Variants in SLC13A1 observed in about 807,000 individuals in gnomAD.
SLC13A1 encodes the protein solute carrier family 13 member 1.
In SLC13A1, 65 loss-of-function variants were observed where a neutral mutation model predicts 70.0. That is an observed-to-expected ratio of 0.93 (90% CI 0.76 to 1.14). The LOEUF is 1.14. Among genes scored for constraint, SLC13A1 ranks in the 50% most tolerant of loss-of-function variants. The probability of loss-of-function intolerance (pLI) is 0.00; values close to 1 mark genes in which losing one functional copy is unlikely to be tolerated. For synonymous variants in SLC13A1, 275 were observed against 250.5 expected (o/e 1.10, Z -0.92); for missense variants, 726 against 717.8 (o/e 1.01, Z -0.13).
chr7:123,114,030 G>A lies in SLC13A1; in HGVS notation c.*1488C>T, dbSNP rs1431494074. Reference sequence around the variant, plus strand: ...ACCTGGGAGGCGGAGCTTGCAGTGAGCCGAGATCCCGCCACTGCACTCCAG... The same window carrying A: ...ACCTGGGAGGCGGAGCTTGCAGTGAACCGAGATCCCGCCACTGCACTCCAG... On this transcript the variant is annotated 3_prime_UTR_variant, in exon 15 of 15. Transcript: ENST00000194130. 6 of 134,036 alleles carry A rather than the reference G, an allele frequency of 4.5e-5. No homozygotes were observed. The Admixed American group carries it at 5.1e-4, about 11-fold the overall frequency. The allele number at this position is 134,036 out of a possible 1,614,324, so 8.3% of individuals were successfully genotyped here. A position where few individuals can be genotyped will look rare whatever the true frequency, so the allele number is the denominator to read the frequency against.
In SLC13A1 at chr7:123,115,325, C is replaced by T. The variant is rs1253762949; in HGVS notation, c.*193G>A. 4.5e-6 allele frequency: 2 copies of T among 446,224 alleles called. No homozygotes were observed. Among genetic ancestry groups the T allele is most frequent in the Non-Finnish European group, 7.9e-6 (2 of 254,392 alleles). 27.6% of individuals were successfully genotyped at this position (446,224 alleles called of 1,614,324 possible). The stretch of plus-strand genomic sequence containing the variant: ...GCTTCTTGATGAAGGCACATAGATG[C>T]TCTTTAGTTGCACTGCAATAACAAA... On this transcript the variant is annotated 3_prime_UTR_variant, in exon 15 of 15. Transcript: ENST00000194130.
At position 123,149,584 on chromosome 7, in the gene SLC13A1, G is replaced by T. The variant is rs968616842; in HGVS notation, c.661-2274C>A. ...CTCATTTTAAACACTAAGTTTAAGAGTCTAAAGCTGTTTTTTGGTCACCTC... is the reference window on the plus strand; with the variant it reads ...CTCATTTTAAACACTAAGTTTAAGATTCTAAAGCTGTTTTTTGGTCACCTC... On this transcript the variant is annotated intron_variant, in intron 6 of 14. Transcript: ENST00000194130. 2.2e-5 allele frequency: 10 copies of T among 456,420 alleles called. No homozygotes were observed. The East Asian group carries it at 7.0e-4, about 32-fold the overall frequency. The allele number at this position is 456,420 out of a possible 1,614,324, so 28.3% of individuals were successfully genotyped here.
At chr7:123,129,046 A>G in intron 9 of SLC13A1, 100 bp from the exon 10 acceptor site, 3 of 800,146 alleles carry the variant, frequency 3.7e-6, no homozygotes, top group South Asian at 1.5e-5. Flanking sequence ...GTAGAACACT[A>G]AACACTGTAA....
At chr7:123,173,913 T>C (rs1795356664) in intron 2 of SLC13A1, among the ~76,000 whole-genome samples, 1 of 151,786 alleles carries the variant, frequency 6.6e-6, no homozygotes, top group Admixed American at 6.6e-5. Context: ...CAACTCTTAC[T>C]CTAGGTATAA....
intron 7 of SLC13A1, among the ~76,000 whole-genome samples, chr7:123,138,700 T>C (rs1247439466): frequency 6.6e-6 from 1 of 152,234 alleles, no homozygotes; most frequent in African/African-American, 2.4e-5. Context: ...ATATGCCTGT[T>C]TGCCATTTGT....
intron 7 of SLC13A1, among the ~76,000 whole-genome samples, chr7:123,134,984 G>A (rs1265123595): frequency 6.6e-6 from 1 of 152,150 alleles, no homozygotes; most frequent in African/African-American, 2.4e-5. Context: ...CACCTTGGTG[G>A]CTGGAATTCT....
intron 6 of SLC13A1, among the ~76,000 whole-genome samples, chr7:123,163,875 A>G (rs113871914): frequency 0.026 from 3,927 of 152,140 alleles, 164 homozygotes; most frequent in African/African-American, 0.088. Flanking sequence ...CTGTAATTGT[A>G]ATCATTTGAT....
rs1328960310 is a variant in SLC13A1 at position 123,180,987 on chromosome 7, T to A, written c.214A>T (p.Met72Leu). 2 of 1,611,852 alleles carry A rather than the reference T, an allele frequency of 1.2e-6. No homozygotes were observed. Among genetic ancestry groups the A allele is most frequent in the Non-Finnish European group, 1.7e-6 (2 of 1,178,640 alleles). ...AGAGGACTTACCTTCTTAGAAGGCA[T>A]GATCCCAAACATGGGTAACATTAAA... ...PSLMLPMFGI[M>L]PSKKVASAYF... Residue 72 changes from methionine (M) to leucine (L), a missense_variant, in exon 2 of 15, where the codon ATG becomes TTG. Coordinates refer to ENST00000194130, the MANE Select transcript of SLC13A1 (RefSeq NM_022444.4).
chr7:123,181,203 C>T lies in SLC13A1; in HGVS notation c.100-102G>A, dbSNP rs967633001. The T allele has an allele frequency of 1.7e-4, 215 of 1,285,792 alleles. 3 individuals carry two copies. The highest frequency in any genetic ancestry group is 6.0e-4 in the Middle Eastern group (3 of 5,040). 79.6% of individuals were successfully genotyped at this position (1,285,792 alleles called of 1,614,324 possible). On this transcript the variant is annotated intron_variant, in intron 1 of 14. Coordinates refer to ENST00000194130, the MANE Select transcript of SLC13A1 (RefSeq NM_022444.4). ...CTTAATAGAGCCATGTCACAGAGAA[C>T]GTAAGAAGATCTGAAGACCTCTGCA...
At chr7:123,156,781 G>A (rs980237574) in intron 6 of SLC13A1, among the ~76,000 whole-genome samples, 5 of 151,910 alleles carry the variant, frequency 3.3e-5, no homozygotes. Context: ...GGCCCTATCA[G>A]GAGCTCAAGT....
At position 123,169,093 on chromosome 7, in the gene SLC13A1, T is replaced by C. The variant is rs1333184534; in HGVS notation, c.553+55A>G. 2.0e-6 allele frequency: 3 copies of C among 1,511,444 alleles called. No homozygotes were observed. In the African/African-American group the frequency reaches 4.1e-5, roughly 21 times the overall value. 93.6% of individuals were successfully genotyped at this position (1,511,444 alleles called of 1,614,324 possible). On this transcript the variant is annotated intron_variant, in intron 4 of 14. Transcript: ENST00000194130. ...AAATACAACTTAGAATTCTTGAGTT[T>C]ATGTCTATTGCTCTAATGACTAGAC...
At chr7:123,174,588 T>A (rs139401708) in intron 2 of SLC13A1, among the ~76,000 whole-genome samples, 39 of 152,262 alleles carry the variant, frequency 2.6e-4, no homozygotes, top group African/African-American at 8.7e-4. Context: ...GTATGATCGA[T>A]CTTTTTCTGA....
At chr7:123,150,060 A>G (rs910097934) in intron 6 of SLC13A1, among the ~76,000 whole-genome samples, 3 of 152,286 alleles carry the variant, frequency 2.0e-5, no homozygotes, top group South Asian at 2.1e-4. Context: ...TTACATGCAC[A>G]GTAGAGCAGA....
In SLC13A1 at chr7:123,180,964, A is replaced by T; in HGVS notation, c.228+9T>A. 6.2e-7 allele frequency: 1 copy of T among 1,604,768 alleles called. No homozygotes were observed. Among genetic ancestry groups the T allele is most frequent in the Non-Finnish European group, 8.5e-7 (1 of 1,175,494 alleles). ...GAAATCAACTTATGACATTGGCAAG[A>T]GGACTTACCTTCTTAGAAGGCATGA... On this transcript the variant is annotated intron_variant, in intron 2 of 14. Coordinates refer to ENST00000194130, the MANE Select transcript of SLC13A1 (RefSeq NM_022444.4).
Position 123,170,211 on chromosome 7 carries a change from A to T in SLC13A1, c.366-876T>A, listed in dbSNP as rs114226295. Among the ~76,000 whole-genome samples, 360 of 152,322 alleles carry T rather than the reference A, an allele frequency of 2.4e-3. 3 individuals are homozygous for T. The highest frequency in any genetic ancestry group is 8.2e-3 in the African/African-American group (341 of 41,570). ...ATAATCTGACACCCTTTTAAAACAGATGTACAAGAACAATACCACACTGTA... is the reference window on the plus strand; with the variant it reads ...ATAATCTGACACCCTTTTAAAACAGTTGTACAAGAACAATACCACACTGTA... On this transcript the variant is annotated intron_variant, in intron 3 of 14. Transcript: ENST00000194130.
intron 1 of SLC13A1, among the ~76,000 whole-genome samples, chr7:123,195,048 G>A (rs1796133980): frequency 1.3e-5 from 2 of 152,070 alleles, no homozygotes; most frequent in Admixed American, 6.6e-5. Context: ...CAGCAATTCT[G>A]CAAGCTACAT....
chr7:123,134,120 A>T (rs1191700576), intron 8 of SLC13A1, among the ~76,000 whole-genome samples: 1 of 151,750 alleles, frequency 6.6e-6, no homozygotes, highest in Non-Finnish European at 1.5e-5. Flanking sequence ...CTCAGAGAGG[A>T]TTGCGCAAGC....
intron 1 of SLC13A1, among the ~76,000 whole-genome samples, chr7:123,194,221 T>C (rs1796097681): frequency 6.6e-6 from 1 of 152,028 alleles, no homozygotes; most frequent in Admixed American, 6.6e-5. Context: ...GATCCTTAGT[T>C]TACATCACAG....
chr7:123,125,516 T>C (rs1019855768), intron 11 of SLC13A1, 53 bp downstream of exon 11: 12 of 1,307,362 alleles, frequency 9.2e-6, no homozygotes, highest in Admixed American at 1.9e-5. Context: ...AATGGAATTT[T>C]GTAATTTTTG....
Sources: allele counts gnomAD v4.1 joint callset (sites outside exome capture counted in the v4.1 genomes callset), GRCh38; gene constraint gnomAD v4.1.1; transcripts MANE v1.5; gene names NCBI Gene and HGNC (gene_info 2026-07-23, HGNC 2026-07-21).